Variants in DCK observed in about 807,000 individuals in gnomAD.
DCK encodes deoxycytidine kinase.
In DCK, 23 loss-of-function variants were observed where a neutral mutation model predicts 38.3. The observed-to-expected ratio is 0.60, with a 90% confidence interval of 0.43 to 0.85. The LOEUF (loss-of-function observed/expected upper bound fraction) is 0.85, where lower values mean the gene tolerates loss of function less well. Among genes scored for constraint, DCK ranks in the 40% least tolerant of loss-of-function variants. DCK has a pLI of 0.00. For missense variants in DCK, 259 were observed against 304.4 expected (o/e 0.85, Z 1.11); for synonymous variants, 108 against 100.6 (o/e 1.07, Z -0.44).
intron 2 of DCK, among the ~76,000 whole-genome samples, chr4:71,010,711 A>C (rs2148915234): frequency 6.8e-6 from 1 of 148,000 alleles, no homozygotes; most frequent in South Asian, 2.1e-4. Context: ...ATTATATATA[A>C]TATAAAAATT....
chr4:71,000,376 T>C (rs1330181558), intron 2 of DCK, among the ~76,000 whole-genome samples: 1 of 152,212 alleles, frequency 6.6e-6, no homozygotes, highest in Admixed American at 6.5e-5. Context: ...GTTCCATTGG[T>C]CTATAGCTCT....
chr4:71,025,296 CA>C (rs1252501998), intron 4 of DCK, among the ~76,000 whole-genome samples: 1 of 152,084 alleles, frequency 6.6e-6, no homozygotes, highest in Admixed American at 6.5e-5. Context: ...TTAAAAACCA[CA>C]GGTGGCTGGT....
chr4:71,009,502 C>T (rs1740034136), intron 2 of DCK, among the ~76,000 whole-genome samples: 1 of 152,102 alleles, frequency 6.6e-6, no homozygotes, highest in African/African-American at 2.4e-5. Context: ...AATCTGATAT[C>T]CATGTTTATG....
chr4:71,017,332 G>A (rs994403236), intron 2 of DCK, among the ~76,000 whole-genome samples: 1 of 152,104 alleles, frequency 6.6e-6, no homozygotes, highest in South Asian at 2.1e-4. Flanking sequence ...ACTGTTGGTG[G>A]GACTGTAAAC....
At chr4:71,021,475 A>G (rs1740424366) in intron 2 of DCK, among the ~76,000 whole-genome samples, 1 of 152,228 alleles carries the variant, frequency 6.6e-6, no homozygotes, top group Non-Finnish European at 1.5e-5. Flanking sequence ...TTCTAACAAT[A>G]AGATTATTGA....
chr4:71,028,146 A>G (rs1740586007), intron 6 of DCK, among the ~76,000 whole-genome samples: 1 of 152,238 alleles, frequency 6.6e-6, no homozygotes, highest in Non-Finnish European at 1.5e-5. Flanking sequence ...TGCTTCAGAA[A>G]CATGACAAAT....
chr4:71,010,553 T>G (rs1166571087), intron 2 of DCK, among the ~76,000 whole-genome samples: 3 of 149,402 alleles, frequency 2.0e-5, no homozygotes, highest in Non-Finnish European at 4.4e-5. Context: ...ACTATTTTAC[T>G]TTTAATTAAA....
chr4:71,011,808 TA>T (rs1453713857), intron 2 of DCK, among the ~76,000 whole-genome samples: 1 of 152,228 alleles, frequency 6.6e-6, no homozygotes, highest in Non-Finnish European at 1.5e-5. Context: ...ATTTTTCACT[TA>T]CCTTGACAAT....
intron 2 of DCK, among the ~76,000 whole-genome samples, chr4:71,002,146 G>C (rs561615726): frequency 6.6e-6 from 1 of 152,286 alleles, no homozygotes; most frequent in Non-Finnish European, 1.5e-5. Context: ...CTTTAGCTGT[G>C]TCCCAGAGAT....
chr4:71,015,358 G>C (rs557309655), intron 2 of DCK, among the ~76,000 whole-genome samples: 71 of 152,298 alleles, frequency 4.7e-4, no homozygotes, highest in African/African-American at 1.7e-3. Context: ...AGCAGTACAA[G>C]GAGGAGCTGG....
At chr4:71,016,988 G>A (rs1740286135) in intron 2 of DCK, among the ~76,000 whole-genome samples, 1 of 152,150 alleles carries the variant, frequency 6.6e-6, no homozygotes, top group South Asian at 2.1e-4. Context: ...CCATCAGAGT[G>A]AACAGGCAAC....
At chr4:71,021,066 CTTTTTTTT>C (rs34109101) in intron 2 of DCK, among the ~76,000 whole-genome samples, 2 of 86,004 alleles carry the variant, frequency 2.3e-5, no homozygotes, top group Non-Finnish European at 4.8e-5. Context: ...GATGCTATTT[CTTTTTTTT>C]TTTTTTTTTT....
chr4:71,012,894 A>G (rs1740139337), intron 2 of DCK, among the ~76,000 whole-genome samples: 1 of 152,260 alleles, frequency 6.6e-6, no homozygotes, highest in South Asian at 2.1e-4. Flanking sequence ...CTCGCCAGCA[A>G]CGGAACAAAG....
rs1692949724 is a variant in DCK, at chr4:71,026,897, T to A, written c.756+142T>A. ...AGAGCTTTAGAAGATTTTGGACTGT[T>A]TAAGATTCCAGTCCTGACTAAATTC... On this transcript the variant is annotated intron_variant, in intron 6 of 6. Transcript: ENST00000286648. 2.2e-5 allele frequency: 11 copies of A among 498,564 alleles called. No homozygotes were observed. The South Asian group carries it at 3.6e-4, about 16-fold the overall frequency. The allele number at this position is 498,564 out of a possible 1,614,324, so 30.9% of individuals were successfully genotyped here.
chr4:71,020,341 CAAG>C (rs1740381940), intron 2 of DCK, among the ~76,000 whole-genome samples: 1 of 152,152 alleles, frequency 6.6e-6, no homozygotes, highest in South Asian at 2.1e-4. Context: ...TTCTTTACAT[CAAG>C]AAGATGTGTT....
intron 2 of DCK, among the ~76,000 whole-genome samples, chr4:71,012,552 C>T (rs1004573176): frequency 6.6e-6 from 1 of 152,210 alleles, no homozygotes; most frequent in African/African-American, 2.4e-5. Context: ...CGGCTGGGTA[C>T]CCCTCTGAGA....
intron 2 of DCK, among the ~76,000 whole-genome samples, chr4:71,016,581 C>CA (rs1172089710): frequency 5.3e-5 from 8 of 152,142 alleles, no homozygotes; most frequent in Non-Finnish European, 1.0e-4. Flanking sequence ...GGTACCAAAA[C>CA]AGAGATATAG....
At chr4:71,011,677 A>G (rs944143317) in intron 2 of DCK, among the ~76,000 whole-genome samples, 1 of 152,170 alleles carries the variant, frequency 6.6e-6, no homozygotes, top group African/African-American at 2.4e-5. Context: ...TTTTATAATT[A>G]TCTTGTTTGG....
rs777492188 is a variant in DCK at position 71,023,617 on chromosome 4, A to G, written c.460A>G (p.Ile154Val). 1.3e-5 allele frequency: 21 copies of G among 1,612,290 alleles called. No homozygotes were observed. The African/African-American group carries it at 1.9e-4, about 14-fold the overall frequency. The change falls in exon 4 of 7, where the codon ATT becomes GTT. Residue 154 changes from isoleucine to valine, a missense_variant. Around this residue, in one of 3 missense-constraint regions of DCK, gnomAD observed 18 missense variants for 41.6 expected, o/e 0.43. Transcript: ENST00000286648. ...ATGCATGAATGAGACAGAGTGGACA[A>G]TTTATCAAGACTGGCATGACTGGAT... ...SECMNETEWT[I>V]YQDWHDWMNN...
Sources: allele counts gnomAD v4.1 joint callset (sites outside exome capture counted in the v4.1 genomes callset), GRCh38; gene constraint gnomAD v4.1.1; regional missense constraint gnomAD v4.1.1; transcripts MANE v1.5; gene names NCBI Gene and HGNC (gene_info 2026-07-23, HGNC 2026-07-21).